CDK14: variants seen among roughly 807,000 people sequenced by gnomAD.
CDK14 encodes cyclin dependent kinase 14, also known as cyclin-dependent kinase 14.
Under a neutral mutation model 60.7 loss-of-function variants are expected in CDK14, and 34 were observed. The ratio of observed to expected loss-of-function variants is 0.56; its 90% CI spans 0.43 to 0.75. The LOEUF (loss-of-function observed/expected upper bound fraction) is 0.75. Ranked by LOEUF, CDK14 falls within the 30% of genes least tolerant of loss-of-function variation. The probability of loss-of-function intolerance (pLI) is 0.00; values close to 1 mark genes in which losing one functional copy is unlikely to be tolerated. For missense variants in CDK14, 482 were observed against 564.1 expected (o/e 0.85, Z 1.47); for synonymous variants, 197 against 203.7 (o/e 0.97, Z 0.28).
chr7:90,728,080 T>A (rs1292206254), intron 3 of CDK14, among the ~76,000 whole-genome samples: 1 of 152,138 alleles, frequency 6.6e-6, no homozygotes, highest in East Asian at 1.9e-4. Flanking sequence ...CTTAGACTTT[T>A]GAATACCTTG....
intron 2 of CDK14, among the ~76,000 whole-genome samples, chr7:90,716,805 CCT>C (rs560275662): frequency 4.9e-4 from 74 of 152,054 alleles, no homozygotes; most frequent in Non-Finnish European, 9.1e-4. Context: ...CTAAATTTGC[CCT>C]CTCTACAATC....
At chr7:91,065,335 A>C (rs745820205) in intron 11 of CDK14, among the ~76,000 whole-genome samples, 4 of 152,178 alleles carry the variant, frequency 2.6e-5, no homozygotes, top group Non-Finnish European at 5.9e-5. Flanking sequence ...GTCAAATCTG[A>C]GCCATTAAAT....
chr7:90,665,700 T>C (rs1800964124), intron 2 of CDK14, among the ~76,000 whole-genome samples: 1 of 152,176 alleles, frequency 6.6e-6, no homozygotes, highest in African/African-American at 2.4e-5. Flanking sequence ...AATTTTCTAG[T>C]GTATGTAATA....
chr7:90,870,292 G>A (rs1400297404), intron 6 of CDK14, among the ~76,000 whole-genome samples: 1 of 152,156 alleles, frequency 6.6e-6, no homozygotes, highest in East Asian at 1.9e-4. Context: ...GCTAAATGAT[G>A]AGAACACATG....
intron 5 of CDK14, among the ~76,000 whole-genome samples, chr7:90,805,962 A>G (rs1237479858): frequency 6.6e-6 from 1 of 152,198 alleles, no homozygotes; most frequent in Non-Finnish European, 1.5e-5. Flanking sequence ...GATTCACAGC[A>G]TAGAATGGAA....
chr7:91,123,668 T>C (rs2116398930), intron 14 of CDK14, among the ~76,000 whole-genome samples: 1 of 152,212 alleles, frequency 6.6e-6, no homozygotes, highest in Non-Finnish European at 1.5e-5. Context: ...TTCTATCCTT[T>C]AAACGCTAAT....
At chr7:90,610,736 A>T (rs1488801314) in intron 2 of CDK14, among the ~76,000 whole-genome samples, 1 of 152,152 alleles carries the variant, frequency 6.6e-6, no homozygotes, top group Non-Finnish European at 1.5e-5. Flanking sequence ...CTGTCTATCT[A>T]AATTTCCCCT....
At chr7:90,697,729 A>G (rs1801690150) in intron 2 of CDK14, among the ~76,000 whole-genome samples, 1 of 152,168 alleles carries the variant, frequency 6.6e-6, no homozygotes, top group Non-Finnish European at 1.5e-5. Flanking sequence ...TCTAAATAGT[A>G]TTAAAAGAAT....
At chr7:90,869,633 C>T (rs1791302069) in intron 6 of CDK14, among the ~76,000 whole-genome samples, 1 of 152,120 alleles carries the variant, frequency 6.6e-6, no homozygotes, top group Admixed American at 6.5e-5. Flanking sequence ...ATCAAGAGAC[C>T]AGTCAGGAGG....
intron 4 of CDK14, among the ~76,000 whole-genome samples, chr7:90,772,675 C>T (rs1033985860): frequency 6.6e-6 from 1 of 152,122 alleles, no homozygotes; most frequent in Non-Finnish European, 1.5e-5. Flanking sequence ...TGAGGCCTCC[C>T]CAACCGTGTT....
chr7:90,696,659 G>A (rs1801665722), intron 2 of CDK14, among the ~76,000 whole-genome samples: 1 of 152,124 alleles, frequency 6.6e-6, no homozygotes, highest in Admixed American at 6.5e-5. Context: ...TGAGGATGAG[G>A]GAAAGGTAGG....
At chr7:90,843,637 A>G (rs577645137) in intron 5 of CDK14, among the ~76,000 whole-genome samples, 3 of 152,116 alleles carry the variant, frequency 2.0e-5, no homozygotes, top group Non-Finnish European at 4.4e-5. Flanking sequence ...ACCCATGGCA[A>G]AGTTCCCTGG....
chr7:90,860,487 C>T (rs1790970520), intron 5 of CDK14, among the ~76,000 whole-genome samples: 1 of 148,384 alleles, frequency 6.7e-6, no homozygotes, highest in Admixed American at 6.7e-5. Flanking sequence ...AGCAGTGTTG[C>T]AAAGAATCTG....
At chr7:90,989,005 T>A (rs1050265845) in intron 10 of CDK14, among the ~76,000 whole-genome samples, 225 of 149,420 alleles carry the variant, frequency 1.5e-3, no homozygotes, top group Admixed American at 2.4e-3. Flanking sequence ...TGTGTGAGTG[T>A]GTGTGTGTGT....
chr7:90,826,506 C>T (rs968633002), intron 5 of CDK14, among the ~76,000 whole-genome samples: 2 of 152,144 alleles, frequency 1.3e-5, no homozygotes, highest in Admixed American at 6.5e-5. Context: ...CATGAGCCAC[C>T]GCATTCAGCC....
Position 90,933,972 on chromosome 7 carries a change from C to G in CDK14, c.826+16248C>G, listed in dbSNP as rs77961192. On this transcript the variant is annotated intron_variant, in intron 8 of 14. Coordinates refer to ENST00000380050, the MANE Select transcript of CDK14 (RefSeq NM_001287135.2). ...TATTCCCAGCCTCTTTCCAAAATGG[C>G]TCTGAAGCAGCTGCTGATCTGACGC... Among the ~76,000 whole-genome samples the G allele has an allele frequency of 7.9e-3, 1,200 of 152,320 alleles. 22 individuals are homozygous for G. The highest frequency in any genetic ancestry group is 0.025 in the African/African-American group (1,033 of 41,572).
intron 2 of CDK14, among the ~76,000 whole-genome samples, chr7:90,668,529 T>A (rs899327261): frequency 2.0e-5 from 3 of 152,138 alleles, no homozygotes; most frequent in Non-Finnish European, 2.9e-5. Context: ...CCAATTTGTC[T>A]ATTTTTTCTT....
At chr7:90,775,952 A>G (rs532950964) in intron 4 of CDK14, among the ~76,000 whole-genome samples, 1 of 152,104 alleles carries the variant, frequency 6.6e-6, no homozygotes, top group Non-Finnish European at 1.5e-5. Context: ...ATAAAAACTC[A>G]TAGAGAACTA....
At chr7:91,094,708 C>T (rs576007979) in intron 12 of CDK14, among the ~76,000 whole-genome samples, 36 of 152,250 alleles carry the variant, frequency 2.4e-4, no homozygotes, top group African/African-American at 8.2e-4. Context: ...AGGTGCTCAT[C>T]TTGGGTTCAG....
Sources: allele counts gnomAD v4.1 joint callset (sites outside exome capture counted in the v4.1 genomes callset), GRCh38; gene constraint gnomAD v4.1.1; transcripts MANE v1.5; gene names NCBI Gene and HGNC (gene_info 2026-07-23, HGNC 2026-07-21).